ZFHX3: variants seen among roughly 807,000 people sequenced by gnomAD.
The protein encoded by ZFHX3 is zinc finger homeobox 3.
Under a neutral mutation model 279.1 loss-of-function variants are expected in ZFHX3, and 42 were observed. The observed-to-expected ratio is 0.15, with a 90% CI of 0.12 to 0.19. The LOEUF (loss-of-function observed/expected upper bound fraction) is 0.19. ZFHX3 is among the 10% of genes least tolerant of loss of function. The probability of loss-of-function intolerance (pLI) is 1.00; values close to 1 mark genes in which losing one functional copy is unlikely to be tolerated. For synonymous variants in ZFHX3, 2,293 were observed against 1,957.8 expected (o/e 1.17, Z -4.52); for missense variants, 4,981 against 4,754.0 (o/e 1.05, Z -1.40).
At chr16:73,387,551 A>T (rs1230807062) in intron 3 of ZFHX3, among the ~76,000 whole-genome samples, 2 of 151,982 alleles carry the variant, frequency 1.3e-5, no homozygotes, top group African/African-American at 2.4e-5. Flanking sequence ...CATAACTTTG[A>T]GACTACAATT....
At chr16:73,799,003 A>C (rs1471084317) in intron 1 of ZFHX3, among the ~76,000 whole-genome samples, 1 of 152,216 alleles carries the variant, frequency 6.6e-6, no homozygotes, top group Non-Finnish European at 1.5e-5. Flanking sequence ...CCTCAGTGGA[A>C]GCTGCTCTAA....
At chr16:72,913,703 C>T (rs1303597063) in intron 3 of ZFHX3, among the ~76,000 whole-genome samples, 1 of 152,182 alleles carries the variant, frequency 6.6e-6, no homozygotes, top group Non-Finnish European at 1.5e-5. Context: ...TGAAGCTCCA[C>T]CTTCTGGTTA....
chr16:73,841,677 G>A (rs986484182), intron 1 of ZFHX3, among the ~76,000 whole-genome samples: 2 of 152,180 alleles, frequency 1.3e-5, no homozygotes, highest in African/African-American at 2.4e-5. Flanking sequence ...TCTTGGAGAA[G>A]AGCAGAGGCA....
At chr16:73,642,382 C>T (rs891106982) in intron 2 of ZFHX3, among the ~76,000 whole-genome samples, 5 of 152,188 alleles carry the variant, frequency 3.3e-5, no homozygotes, top group Non-Finnish European at 5.9e-5. Context: ...CTAGGATCCA[C>T]GCTCTCTTTT....
At chr16:72,869,403 G>T (rs1421561712) in intron 4 of ZFHX3, among the ~76,000 whole-genome samples, 5 of 152,102 alleles carry the variant, frequency 3.3e-5, no homozygotes, top group African/African-American at 4.8e-5. Flanking sequence ...TTAAATAAAA[G>T]ATTTAGAAAT....
chr16:72,869,819 G>A (rs2143948829), intron 4 of ZFHX3, among the ~76,000 whole-genome samples: 1 of 152,140 alleles, frequency 6.6e-6, no homozygotes, highest in South Asian at 2.1e-4. Context: ...AATTACAAAG[G>A]GAAAAATAGT....
rs868002565 is a variant in ZFHX3, at chr16:73,380,827, A to G, written c.-1290-62491T>C. On this transcript the variant is annotated intron_variant, in intron 3 of 17. Transcript: ENST00000641206. ...TGAGACCAGCCTGGGAAACACAGTG[A>G]GACCCCATCTCTACAAGAGGAACTT... Among the ~76,000 whole-genome samples the G allele has an allele frequency of 1.7e-4, 26 of 152,296 alleles. No homozygotes were observed. The South Asian group carries it at 5.4e-3, about 32-fold the overall frequency.
rs139982562 is a variant in ZFHX3 at position 72,909,656 on chromosome 16, C to T, written c.3217-19694G>A. 5.0e-3 allele frequency among the ~76,000 whole-genome samples: 757 copies of T among 152,122 alleles called. 8 individuals are homozygous for T. The highest frequency in any genetic ancestry group is 0.017 in the African/African-American group (714 of 41,492). ...CTTTGGGAGGCTGAGGTGGGAGGAT[C>T]GCTTGAGCTCAGGAGTTCGAGACCA... On this transcript the variant is annotated intron_variant, in intron 3 of 9. Transcript: ENST00000268489.
At chr16:72,860,811 G>T (rs928423856) in intron 4 of ZFHX3, among the ~76,000 whole-genome samples, 1 of 152,206 alleles carries the variant, frequency 6.6e-6, no homozygotes, top group African/African-American at 2.4e-5. Context: ...CAGGGAAGGG[G>T]TTGGCTAAAT....
At chr16:73,724,058 G>C (rs2053498234) in intron 1 of ZFHX3, among the ~76,000 whole-genome samples, 1 of 152,180 alleles carries the variant, frequency 6.6e-6, no homozygotes, top group Admixed American at 6.5e-5. Context: ...CTCTTAAAAA[G>C]CTGTCCTTAA....
intron 3 of ZFHX3, among the ~76,000 whole-genome samples, chr16:72,921,726 G>A (rs1156561162): frequency 1.3e-5 from 2 of 152,214 alleles, no homozygotes; most frequent in Non-Finnish European, 2.9e-5. Context: ...AGAAAAGGGG[G>A]CAGTGCCTGG....
intron 3 of ZFHX3, among the ~76,000 whole-genome samples, chr16:72,939,515 A>T (rs567313215): frequency 1.2e-4 from 19 of 152,234 alleles, no homozygotes; most frequent in South Asian, 4.1e-4. Context: ...CTGCAGTGAC[A>T]CAGACTCGCT....
chr16:73,719,062 A>G (rs2053447356), intron 1 of ZFHX3, among the ~76,000 whole-genome samples: 1 of 152,214 alleles, frequency 6.6e-6, no homozygotes, highest in South Asian at 2.1e-4. Context: ...ATGTTCAGCT[A>G]CAACAGGCAG....
chr16:73,172,650 G>A (rs896291945), intron 5 of ZFHX3, among the ~76,000 whole-genome samples: 1 of 152,210 alleles, frequency 6.6e-6, no homozygotes, highest in Non-Finnish European at 1.5e-5. Flanking sequence ...TTTTTTGAGA[G>A]AGAGAAAGAG....
intron 2 of ZFHX3, among the ~76,000 whole-genome samples, chr16:73,600,769 C>T (rs575793861): frequency 3.3e-5 from 5 of 152,070 alleles, no homozygotes; most frequent in Non-Finnish European, 7.4e-5. Context: ...CACCATTAGG[C>T]TTGTCTTTGT....
chr16:73,547,827 ACTG>A (rs2020146439), intron 2 of ZFHX3, among the ~76,000 whole-genome samples: 1 of 152,192 alleles, frequency 6.6e-6, no homozygotes, highest in Non-Finnish European at 1.5e-5. Flanking sequence ...TCTTGTAGCT[ACTG>A]CTATTTCAAA....
intron 2 of ZFHX3, among the ~76,000 whole-genome samples, chr16:73,603,068 G>C (rs2052138371): frequency 6.6e-6 from 1 of 151,996 alleles, no homozygotes; most frequent in Non-Finnish European, 1.5e-5. Flanking sequence ...GGTGGATCAC[G>C]AGGTCAGGAG....
intron 5 of ZFHX3, among the ~76,000 whole-genome samples, chr16:73,194,262 C>T (rs1003876931): frequency 2.6e-5 from 4 of 152,012 alleles, no homozygotes; most frequent in African/African-American, 4.8e-5. Context: ...TGCAGTGGTG[C>T]GATCATGGCT....
intron 1 of ZFHX3, among the ~76,000 whole-genome samples, chr16:73,812,015 G>A (rs1472802514): frequency 1.3e-5 from 2 of 152,196 alleles, no homozygotes; most frequent in Admixed American, 1.3e-4. Context: ...GAGGCACGAA[G>A]AGATTAAATA....
Sources: gnomAD v4.1 joint callset for allele counts (sites outside exome capture counted in the v4.1 genomes callset) on GRCh38, gnomAD v4.1.1 for gene constraint, MANE v1.5 for transcripts, NCBI Gene and HGNC (gene_info 2026-07-23, HGNC 2026-07-21) for gene names.